CFDP1: variants seen among roughly 807,000 people sequenced by gnomAD.
CFDP1 encodes chromatin remodeling protein CFDP1.
Under a neutral mutation model 40.1 loss-of-function variants are expected in CFDP1, and 31 were observed. That is an observed-to-expected ratio of 0.77 (90% CI 0.58 to 1.04). CFDP1 has a LOEUF of 1.04. CFDP1 is among the 50% of genes least tolerant of loss of function. The pLI is 0.00. For synonymous variants in CFDP1, 167 were observed against 120.0 expected (o/e 1.39, Z -2.56); for missense variants, 423 against 343.4 (o/e 1.23, Z -1.83).
intron 5 of CFDP1, among the ~76,000 whole-genome samples, chr16:75,322,211 AT>A (rs2078369364): frequency 6.6e-6 from 1 of 152,252 alleles, no homozygotes; most frequent in African/African-American, 2.4e-5. Flanking sequence ...ACACAGGAAT[AT>A]TAGAATATCT....
chr16:75,413,031 T>C (rs1375012495), intron 2 of CFDP1, among the ~76,000 whole-genome samples: 1 of 152,156 alleles, frequency 6.6e-6, no homozygotes, highest in African/African-American at 2.4e-5. Context: ...ACCAGCTGTT[T>C]TCACAAAGAA....
intron 5 of CFDP1, among the ~76,000 whole-genome samples, chr16:75,393,417 G>A (rs1440710647): frequency 6.6e-6 from 1 of 152,088 alleles, no homozygotes; most frequent in Non-Finnish European, 1.5e-5. Context: ...TTAAGAGCCA[G>A]GGCTGCAAAG....
At chr16:75,295,818 C>G (rs937019376) in intron 6 of CFDP1, among the ~76,000 whole-genome samples, 27 of 152,146 alleles carry the variant, frequency 1.8e-4, no homozygotes, top group Admixed American at 1.7e-3. Flanking sequence ...AGCATGGACC[C>G]CTTTAGATAA....
chr16:75,410,908 CA>C (rs74355496), intron 4 of CFDP1, among the ~76,000 whole-genome samples: 4,330 of 62,540 alleles, frequency 0.069, 58 homozygotes, highest in African/African-American at 0.11. Flanking sequence ...GACTCTGTCT[CA>C]AAAAAAAAAA....
At chr16:75,377,247 T>C (rs1298499304) in intron 5 of CFDP1, among the ~76,000 whole-genome samples, 1 of 152,212 alleles carries the variant, frequency 6.6e-6, no homozygotes. Context: ...TCAAATGCTA[T>C]GGGAACCAAA....
chr16:75,388,918 G>GT (rs1567667151), intron 5 of CFDP1, among the ~76,000 whole-genome samples: 1 of 114,714 alleles, frequency 8.7e-6, no homozygotes, highest in African/African-American at 2.9e-5. Flanking sequence ...CAACATTAAG[G>GT]CCTTTTTTTT....
At chr16:75,391,990 T>C (rs2078956320) in intron 5 of CFDP1, among the ~76,000 whole-genome samples, 1 of 151,462 alleles carries the variant, frequency 6.6e-6, no homozygotes, top group Non-Finnish European at 1.5e-5. Flanking sequence ...AATAAATAAA[T>C]AAATAAATAA....
chr16:75,361,560 TGA>T, intron 5 of CFDP1, among the ~76,000 whole-genome samples: 1 of 152,082 alleles, frequency 6.6e-6, no homozygotes, highest in Non-Finnish European at 1.5e-5. Flanking sequence ...GAGGTTGCTG[TGA>T]GCTGAGATCA....
At chr16:75,404,820 C>A (rs1054148757) in intron 4 of CFDP1, among the ~76,000 whole-genome samples, 2 of 151,940 alleles carry the variant, frequency 1.3e-5, no homozygotes, top group Admixed American at 6.6e-5. Flanking sequence ...AACAAAAGAC[C>A]AATTATGGTT....
intron 5 of CFDP1, among the ~76,000 whole-genome samples, chr16:75,375,357 A>G (rs1021286116): frequency 3.3e-5 from 5 of 152,222 alleles, no homozygotes; most frequent in Admixed American, 6.5e-5. Context: ...CTATAAACCA[A>G]TAACAGAATA....
chr16:75,419,977 G>A (rs1266033426), intron 1 of CFDP1, among the ~76,000 whole-genome samples: 1 of 150,994 alleles, frequency 6.6e-6, no homozygotes. Context: ...TTTCTTGTTC[G>A]AGATCCAAGA....
chr16:75,385,599 A>G (rs2078890193), intron 5 of CFDP1, among the ~76,000 whole-genome samples: 1 of 152,176 alleles, frequency 6.6e-6, no homozygotes, highest in African/African-American at 2.4e-5. Flanking sequence ...GAAATATCAT[A>G]CCAAGAGACG....
chr16:75,425,088 A>C (rs1216212729), intron 1 of CFDP1, among the ~76,000 whole-genome samples: 1 of 152,224 alleles, frequency 6.6e-6, no homozygotes, highest in Non-Finnish European at 1.5e-5. Context: ...CTAAAAAAAA[A>C]AGATACAGAC....
At chr16:75,433,010 T>A (rs1355510865) in intron 1 of CFDP1, among the ~76,000 whole-genome samples, 2 of 152,036 alleles carry the variant, frequency 1.3e-5, no homozygotes, top group Non-Finnish European at 2.9e-5. Context: ...CCGACGAGCG[T>A]CCCTAGCGAC....
chr16:75,385,343 C>A (rs1360201395), intron 5 of CFDP1, among the ~76,000 whole-genome samples: 1 of 151,952 alleles, frequency 6.6e-6, no homozygotes. Context: ...TGACAATTAA[C>A]AATTGGAAAG....
chr16:75,359,527 A>G (rs1035983017), intron 5 of CFDP1, among the ~76,000 whole-genome samples: 1 of 152,186 alleles, frequency 6.6e-6, no homozygotes, highest in Non-Finnish European at 1.5e-5. Flanking sequence ...GGGTGGAAAA[A>G]TAAGACAAAA....
chr16:75,395,352 T>C, intron 4 of CFDP1, 143 bp from the exon 5 acceptor site: 1 of 886,012 alleles, frequency 1.1e-6, no homozygotes, highest in Non-Finnish European at 1.7e-6. Flanking sequence ...AAAAGTTTAC[T>C]ATAACTTTCA....
At chr16:75,378,530 A>G (rs1366397695) in intron 5 of CFDP1, among the ~76,000 whole-genome samples, 1 of 152,188 alleles carries the variant, frequency 6.6e-6, no homozygotes, top group African/African-American at 2.4e-5. Context: ...TTACTCCTTA[A>G]TCAAATACTA....
chr16:75,392,011 C>A (rs933106970), intron 5 of CFDP1, among the ~76,000 whole-genome samples: 4 of 152,038 alleles, frequency 2.6e-5, no homozygotes, highest in Non-Finnish European at 5.9e-5. Flanking sequence ...AGCTACTGGT[C>A]TGAAGAGAAC....
Sources: gnomAD v4.1 joint callset for allele counts (sites outside exome capture counted in the v4.1 genomes callset) on GRCh38, gnomAD v4.1.1 for gene constraint, MANE v1.5 for transcripts, NCBI Gene and HGNC (gene_info 2026-07-23, HGNC 2026-07-21) for gene names.